The following NRG1 variants were observed in gnomAD, a reference collection of about 807,000 sequenced individuals.
NRG1 encodes pro-neuregulin-1, membrane-bound isoform.
In NRG1, 18 loss-of-function variants were observed where a neutral mutation model predicts 63.8. The ratio of observed to expected loss-of-function variants is 0.28; its 90% CI spans 0.19 to 0.42. The LOEUF (loss-of-function observed/expected upper bound fraction) is 0.42. Ranked by LOEUF, NRG1 falls within the 10% of genes least tolerant of loss-of-function variation. The pLI, the probability that NRG1 is intolerant of heterozygous loss-of-function variation, is 1.00. For synonymous variants in NRG1, 302 were observed against 301.3 expected, an observed-to-expected ratio of 1.00 and a Z score of -0.02; for missense variants, 762 against 814.7, an observed-to-expected ratio of 0.94 and a Z score of 0.79.
At chr8:32,402,864 A>G (rs1055227244) in intron 1 of NRG1, among the ~76,000 whole-genome samples, 1 of 152,204 alleles carries the variant, frequency 6.6e-6, no homozygotes, top group Non-Finnish European at 1.5e-5. Flanking sequence ...CCACGGTTTC[A>G]GGCATCCACT....
At chr8:31,710,102 A>G (rs547523518) in intron 1 of NRG1, among the ~76,000 whole-genome samples, 2 of 151,722 alleles carry the variant, frequency 1.3e-5, no homozygotes, top group African/African-American at 2.4e-5. Context: ...TTCAGGTATG[A>G]TGTTTCCATT....
intron 1 of NRG1, among the ~76,000 whole-genome samples, chr8:31,753,873 T>G (rs575660541): frequency 6.6e-6 from 1 of 152,224 alleles, no homozygotes; most frequent in African/African-American, 2.4e-5. Context: ...AAGTTACTAG[T>G]ATCTAGAGTG....
intron 1 of NRG1, among the ~76,000 whole-genome samples, chr8:31,927,128 A>G (rs961114250): frequency 3.4e-4 from 52 of 152,122 alleles, no homozygotes; most frequent in African/African-American, 1.2e-3. Context: ...AGGGACAATT[A>G]TTATCCCCAT....
intron 1 of NRG1, among the ~76,000 whole-genome samples, chr8:32,502,129 C>T (rs566627550): frequency 6.6e-6 from 1 of 152,144 alleles, no homozygotes; most frequent in African/African-American, 2.4e-5. Flanking sequence ...GTAGGCTATA[C>T]AAGAAGCATA....
At chr8:31,949,018 G>GT (rs1374557495) in intron 1 of NRG1, among the ~76,000 whole-genome samples, 1 of 152,118 alleles carries the variant, frequency 6.6e-6, no homozygotes, top group Non-Finnish European at 1.5e-5. Context: ...TGATTATTAT[G>GT]TTTTCCAATT....
chr8:31,761,515 T>G (rs75899474), intron 1 of NRG1, among the ~76,000 whole-genome samples: 2,442 of 152,288 alleles, frequency 0.016, 28 homozygotes, highest in Non-Finnish European at 0.025. Flanking sequence ...TCCTTTCACT[T>G]GAAAACTTAG....
At chr8:32,668,881 CTT>C (rs1804897415) in intron 5 of NRG1, among the ~76,000 whole-genome samples, 1 of 152,138 alleles carries the variant, frequency 6.6e-6, no homozygotes, top group Non-Finnish European at 1.5e-5. Flanking sequence ...CATTAAAAAT[CTT>C]TTCTTTTACT....
intron 1 of NRG1, among the ~76,000 whole-genome samples, chr8:31,706,500 T>C (rs1375208696): frequency 6.6e-6 from 1 of 152,204 alleles, no homozygotes; most frequent in African/African-American, 2.4e-5. Context: ...TCTTTTGATA[T>C]TATAAACAAT....
chr8:31,781,904 GA>G (rs1330738695), intron 1 of NRG1, among the ~76,000 whole-genome samples: 5 of 152,074 alleles, frequency 3.3e-5, no homozygotes, highest in Non-Finnish European at 5.9e-5. Flanking sequence ...AGTGGCCTCA[GA>G]AATCTTTTTC....
At chr8:32,107,692 A>G (rs1004762695) in intron 1 of NRG1, among the ~76,000 whole-genome samples, 1 of 152,210 alleles carries the variant, frequency 6.6e-6, no homozygotes, top group Non-Finnish European at 1.5e-5. Flanking sequence ...CTTGCAGGTA[A>G]CTGGTAAAAT....
At position 32,057,886 on chromosome 8, in the gene NRG1, C is replaced by T. The variant is rs145837329; in HGVS notation, c.37+418455C>T. Among the ~76,000 whole-genome samples the T allele has an allele frequency of 9.9e-5, 15 of 152,208 alleles. 1 individual carries two copies. The highest frequency in any genetic ancestry group is 3.6e-4 in the African/African-American group (15 of 41,558). On this transcript the variant is annotated intron_variant, in intron 1 of 10. Transcript: ENST00000519301. ...TACCCTCAGGTTCCCAGTATTTACACCTTTGTAGTGTTTTTGCAATTCAGA... is the reference window on the plus strand; with the variant it reads ...TACCCTCAGGTTCCCAGTATTTACATCTTTGTAGTGTTTTTGCAATTCAGA...
At chr8:32,646,430 G>A (rs528718599) in intron 5 of NRG1, among the ~76,000 whole-genome samples, 11 of 152,332 alleles carry the variant, frequency 7.2e-5, no homozygotes, top group African/African-American at 2.6e-4. Context: ...GGGAAGGAAT[G>A]CTATCTCTCA....
At position 31,831,018 on chromosome 8, in the gene NRG1, T is replaced by C. The variant is rs550788475; in HGVS notation, c.37+191587T>C. On this transcript the variant is annotated intron_variant, in intron 1 of 10. Coordinates refer to the NRG1 transcript ENST00000519301. ...CATTACCAAGAAAAAGGGAACTATA[T>C]GCAAGACAGTCAAAAACTAATTAAA... Among the ~76,000 whole-genome samples the C allele has an allele frequency of 1.3e-4, 20 of 152,206 alleles. No homozygotes were observed. In the East Asian group the frequency reaches 2.1e-3, roughly 16 times the overall value.
intron 1 of NRG1, among the ~76,000 whole-genome samples, chr8:31,843,712 C>A (rs1436202015): frequency 1.3e-5 from 2 of 152,204 alleles, no homozygotes; most frequent in Non-Finnish European, 2.9e-5. Context: ...AATCCCCAGT[C>A]ACTCTGCTTC....
At chr8:31,795,393 G>A (rs999599293) in intron 1 of NRG1, among the ~76,000 whole-genome samples, 1 of 152,140 alleles carries the variant, frequency 6.6e-6, no homozygotes, top group African/African-American at 2.4e-5. Flanking sequence ...AAGTGAATCA[G>A]GCATAAAAGT....
intron 5 of NRG1, among the ~76,000 whole-genome samples, chr8:32,693,293 A>G (rs1812315939): frequency 6.8e-6 from 1 of 147,644 alleles, no homozygotes; most frequent in South Asian, 2.1e-4. Context: ...ATCTCGGCGC[A>G]CTGCAACCTC....
At chr8:32,372,911 G>T (rs1253529966) in intron 1 of NRG1, among the ~76,000 whole-genome samples, 1 of 152,196 alleles carries the variant, frequency 6.6e-6, no homozygotes, top group East Asian at 1.9e-4. Flanking sequence ...AAAGGAGAGG[G>T]AAGGCGAGTG....
chr8:31,822,071 G>A (rs962412584), intron 1 of NRG1, among the ~76,000 whole-genome samples: 34 of 152,210 alleles, frequency 2.2e-4, no homozygotes, highest in African/African-American at 8.2e-4. Context: ...TGAAACTTGG[G>A]GCATAATGCA....
At chr8:31,707,714 G>T (rs961162256) in intron 1 of NRG1, among the ~76,000 whole-genome samples, 1 of 151,320 alleles carries the variant, frequency 6.6e-6, no homozygotes, top group African/African-American at 2.4e-5. Context: ...TTTATCTCTT[G>T]GTATTCTATC....
Sources: allele counts gnomAD v4.1 joint callset (sites outside exome capture counted in the v4.1 genomes callset), GRCh38; gene constraint gnomAD v4.1.1; transcripts MANE v1.5; gene names NCBI Gene and HGNC (gene_info 2026-07-23, HGNC 2026-07-21).